ZSCAN1: variants seen among roughly 807,000 people sequenced by gnomAD.
The protein encoded by ZSCAN1 is zinc finger and SCAN domain containing 1, also known as zinc finger and SCAN domain-containing protein 1.
ZSCAN1 carries 23 observed loss-of-function variants against 23.8 expected under a neutral mutation model. That is an observed-to-expected ratio of 0.97 (90% confidence interval 0.70 to 1.37). The LOEUF (loss-of-function observed/expected upper bound fraction) is 1.37, where lower values mean the gene tolerates loss of function less well. Ranked by LOEUF, ZSCAN1 falls within the 40% of genes most tolerant of loss-of-function variation. ZSCAN1 has a pLI of 0.00. For missense variants in ZSCAN1, 575 were observed against 554.0 expected (o/e 1.04, Z -0.38); for synonymous variants, 236 against 232.3 (o/e 1.02, Z -0.15).
At chr19:58,044,542 G>A in intron 4 of ZSCAN1, 1 of 513,954 alleles carries the variant, frequency 1.9e-6, no homozygotes, top group Admixed American at 4.0e-5. Flanking sequence ...CGGAGAAGGA[G>A]GAGGAGCCAG....
chr19:58,052,582 G>A lies in ZSCAN1; in HGVS notation c.558G>A (p.Leu186=), dbSNP rs761621615. ...WLETTQLQQS[L]HTRAEAEAPR... ...AGACTACCCAGCTCCAGCAGAGTCTGCACACCAGGGCGGAGGCCGAAGCGC... is the reference window on the plus strand; with the variant it reads ...AGACTACCCAGCTCCAGCAGAGTCTACACACCAGGGCGGAGGCCGAAGCGC... Residue 186 remains leucine, a synonymous_variant, in exon 5 of 6, where the codon CTG becomes CTA. Transcript: ENST00000282326. 3 of 1,613,536 alleles carry A rather than the reference G, an allele frequency of 1.9e-6. No homozygotes were observed. Among genetic ancestry groups the A allele is most frequent in the Non-Finnish European group, 2.5e-6 (3 of 1,179,784 alleles).
At chr19:58,044,648 C>T in intron 4 of ZSCAN1, 1 of 974,276 alleles carries the variant, frequency 1.0e-6, no homozygotes, top group Non-Finnish European at 1.6e-6. Flanking sequence ...CCCGCCGCCG[C>T]CTCGGGTCAC....
At chr19:58,051,614 C>T (rs938167884) in intron 4 of ZSCAN1, among the ~76,000 whole-genome samples, 4 of 152,200 alleles carry the variant, frequency 2.6e-5, no homozygotes, top group African/African-American at 9.6e-5. Flanking sequence ...CCACTCAAGA[C>T]AGACCTTGTC....
Position 58,045,036 on chromosome 19 carries a change from G to T in ZSCAN1, c.465+4492G>T, listed in dbSNP as rs553513137. On this transcript the variant is annotated intron_variant, in intron 4 of 5. Coordinates refer to ENST00000282326, the MANE Select transcript of ZSCAN1 (RefSeq NM_182572.4). The surrounding 1 kb of genome is among the most constrained non-coding windows in gnomAD (Gnocchi z 4.3). Reference sequence around the variant, plus strand: ...GCGCCCCCGCAGAGATGGTGGTGAAGTCCCGGGGGCAGAGAGGGTGCTGGG... The same window carrying T: ...GCGCCCCCGCAGAGATGGTGGTGAATTCCCGGGGGCAGAGAGGGTGCTGGG... 12 of 1,114,974 alleles carry T rather than the reference G, an allele frequency of 1.1e-5. No individual in the cohort carries two copies. The East Asian group carries it at 2.9e-4, about 27-fold the overall frequency. 69.1% of individuals were successfully genotyped at this position (1,114,974 alleles called of 1,614,324 possible). A position where few individuals can be genotyped will look rare whatever the true frequency, so the allele number is the denominator to read the frequency against.
In ZSCAN1 at chr19:58,049,978, TC is replaced by T. The variant is rs1197821496; in HGVS notation, c.466-2511del. Among the ~76,000 whole-genome samples, 1 of 152,190 alleles carries T rather than the reference TC, an allele frequency of 6.6e-6. No individual in the cohort carries two copies. Among genetic ancestry groups the T allele is most frequent in the African/African-American group, 2.4e-5 (1 of 41,458 alleles). On this transcript the variant is annotated intron_variant, in intron 4 of 5. Transcript: ENST00000282326. The surrounding 1 kb of genome is among the most constrained non-coding windows in gnomAD (Gnocchi z 4.5). ...TGGGTCCTTGAGCGTTCTGGGCTATTCTGGCTTGTGAATATCTGTCTGTAGT... is the reference window on the plus strand; with the variant it reads ...TGGGTCCTTGAGCGTTCTGGGCTATTTGGCTTGTGAATATCTGTCTGTAGT...
rs2073818826 is a variant in ZSCAN1 at position 58,045,447 on chromosome 19, T to C, written c.465+4903T>C. ...CAGTGCCACCAAAGACTTCTCTGTGTTTTTCCAGAAGATCCGGGAGACGGG... is the reference window on the plus strand; with the variant it reads ...CAGTGCCACCAAAGACTTCTCTGTGCTTTTCCAGAAGATCCGGGAGACGGG... On this transcript the variant is annotated intron_variant, in intron 4 of 5. Transcript: ENST00000282326. This position sits in a 1 kb window ranked among gnomAD's most constrained non-coding sequence, Gnocchi z 4.3. 2.6e-6 allele frequency: 3 copies of C among 1,170,546 alleles called. No individual in the cohort carries two copies. In the Admixed American group the frequency reaches 5.0e-5, roughly 20 times the overall value. 72.5% of individuals were successfully genotyped at this position (1,170,546 alleles called of 1,614,324 possible).
rs2073782266 is a variant in ZSCAN1 at position 58,040,683 on chromosome 19, C to G, written c.465+139C>G. 3 of 755,584 alleles carry G rather than the reference C, an allele frequency of 4.0e-6. No homozygotes were observed. Among genetic ancestry groups the G allele is most frequent in the Non-Finnish European group, 2.2e-6 (1 of 462,468 alleles). The allele number at this position is 755,584 out of a possible 1,614,324, so 46.8% of individuals were successfully genotyped here. A position where few individuals can be genotyped will look rare whatever the true frequency, so the allele number is the denominator to read the frequency against. ...CCCAGGAAGCCCGGCCTCCAAACTC[C>G]CCGCCTGCCCCACAGATTCCCCAAG... On this transcript the variant is annotated intron_variant, in intron 4 of 5. Transcript: ENST00000282326. The surrounding 1 kb of genome is among the most constrained non-coding windows in gnomAD (Gnocchi z 5.8).
In ZSCAN1 at chr19:58,040,246, G is replaced by A. The variant is rs1568602365; in HGVS notation, c.371-204G>A. Among the ~76,000 whole-genome samples, 1 of 152,144 alleles carries A rather than the reference G, an allele frequency of 6.6e-6. No individual in the cohort carries two copies. The highest frequency in any genetic ancestry group is 1.5e-5 in the Non-Finnish European group (1 of 68,028). On this transcript the variant is annotated intron_variant, in intron 3 of 5. Transcript: ENST00000282326. The surrounding 1 kb of genome is among the most constrained non-coding windows in gnomAD (Gnocchi z 5.8). ...TGGAGTATGAGTGAAGAGGGTACTTGTCTTCAGCGGCCCTCGGTGTCACCA... is the reference window on the plus strand; with the variant it reads ...TGGAGTATGAGTGAAGAGGGTACTTATCTTCAGCGGCCCTCGGTGTCACCA...
intron 4 of ZSCAN1, chr19:58,044,977 A>G (rs946324248): frequency 1.1e-5 from 12 of 1,129,008 alleles, no homozygotes; most frequent in African/African-American, 1.5e-5. Context: ...GAAGGACAAG[A>G]ACAAGAAGCT....
chr19:58,041,535 CAT>C (rs2073789673), intron 4 of ZSCAN1, among the ~76,000 whole-genome samples: 1 of 152,232 alleles, frequency 6.6e-6, no homozygotes, highest in Admixed American at 6.5e-5. Flanking sequence ...AAAGACTGCA[CAT>C]GTGTGTCTCC....
Position 58,047,637 on chromosome 19 carries a change from T to A in ZSCAN1, c.466-4853T>A, listed in dbSNP as rs1364383830. Among the ~76,000 whole-genome samples, 1 of 151,914 alleles carries A rather than the reference T, an allele frequency of 6.6e-6. No individual in the cohort carries two copies. Among genetic ancestry groups the A allele is most frequent in the Non-Finnish European group, 1.5e-5 (1 of 67,968 alleles). On this transcript the variant is annotated intron_variant, in intron 4 of 5. Coordinates refer to ENST00000282326, the MANE Select transcript of ZSCAN1 (RefSeq NM_182572.4). This position sits in a 1 kb window ranked among gnomAD's most constrained non-coding sequence, Gnocchi z 4.9. ...GTGGGGCTCTGAAGCACATTTGGGG[T>A]TCTTTGTAGCTTCTAATGTGAGGTT...
chr19:58,044,909 G>C lies in ZSCAN1; in HGVS notation c.465+4365G>C, dbSNP rs2073814836. On this transcript the variant is annotated intron_variant, in intron 4 of 5. Transcript: ENST00000282326. ...CCTCGGTGCCTTCCTGCCCGCGGCTGGCACTCTTCGCGCCCTGTTGGTGAT... is the reference window on the plus strand; with the variant it reads ...CCTCGGTGCCTTCCTGCCCGCGGCTCGCACTCTTCGCGCCCTGTTGGTGAT... The C allele has an allele frequency of 1.3e-5, 11 of 838,824 alleles. 1 individual carries two copies. The highest frequency in any genetic ancestry group is 1.2e-4 in the South Asian group (9 of 72,780). 52.0% of individuals were successfully genotyped at this position (838,824 alleles called of 1,614,324 possible).
chr19:58,045,763 C>T lies in ZSCAN1; in HGVS notation c.465+5219C>T. The stretch of plus-strand genomic sequence containing the variant: ...AAACCACCTGAGGGGCCAGCTGAAG[C>T]AGTGGCTGGACCTGCACCTGCATCA... On this transcript the variant is annotated intron_variant, in intron 4 of 5. Coordinates refer to ENST00000282326, the MANE Select transcript of ZSCAN1 (RefSeq NM_182572.4). This position sits in a 1 kb window ranked among gnomAD's most constrained non-coding sequence, Gnocchi z 4.3. 1.3e-6 allele frequency: 2 copies of T among 1,517,574 alleles called. No homozygotes were observed. Among genetic ancestry groups the T allele is most frequent in the Non-Finnish European group, 1.8e-6 (2 of 1,092,794 alleles). The allele number at this position is 1,517,574 out of a possible 1,614,324, so 94.0% of individuals were successfully genotyped here. A position where few individuals can be genotyped will look rare whatever the true frequency, so the allele number is the denominator to read the frequency against.
At chr19:58,041,061 A>C (rs1310282497) in intron 4 of ZSCAN1, among the ~76,000 whole-genome samples, 1 of 152,242 alleles carries the variant, frequency 6.6e-6, no homozygotes, top group Non-Finnish European at 1.5e-5. Flanking sequence ...GGGGACACGC[A>C]GACACATGAG....
chr19:58,045,860 A>T lies in ZSCAN1; in HGVS notation c.465+5316A>T, dbSNP rs2073821979. On this transcript the variant is annotated intron_variant, in intron 4 of 5. Coordinates refer to ENST00000282326, the MANE Select transcript of ZSCAN1 (RefSeq NM_182572.4). The surrounding 1 kb of genome is among the most constrained non-coding windows in gnomAD (Gnocchi z 4.3). Reference sequence around the variant, plus strand: ...CCGGACACCCTCTTGCCAGCCGACCAGCTCAAGTCCACACTGCAGACTCTC... The same window carrying T: ...CCGGACACCCTCTTGCCAGCCGACCTGCTCAAGTCCACACTGCAGACTCTC... The T allele has an allele frequency of 9.2e-7, 1 of 1,089,742 alleles. No homozygotes were observed. The highest frequency in any genetic ancestry group is 1.5e-5 in the African/African-American group (1 of 64,864). The allele number at this position is 1,089,742 out of a possible 1,614,324, so 67.5% of individuals were successfully genotyped here.
intron 1 of ZSCAN1, among the ~76,000 whole-genome samples, chr19:58,035,100 T>A (rs2073725348): frequency 6.6e-6 from 1 of 151,854 alleles, no homozygotes; most frequent in South Asian, 2.1e-4. Flanking sequence ...AGTGACACTC[T>A]CTCACACACA....
In ZSCAN1 at chr19:58,040,194, G is replaced by A. The variant is rs763760569; in HGVS notation, c.371-256G>A. On this transcript the variant is annotated intron_variant, in intron 3 of 5. Transcript: ENST00000282326. This position sits in a 1 kb window ranked among gnomAD's most constrained non-coding sequence, Gnocchi z 5.8. ...AGTCAGTGCTGCAGTGTGTGTCCTC[G>A]TGGGCTTCTGGAGGCGCACAGGGGT... 9.2e-5 allele frequency among the ~76,000 whole-genome samples: 14 copies of A among 152,186 alleles called. No homozygotes were observed. Among genetic ancestry groups the A allele is most frequent in the Non-Finnish European group, 1.9e-4 (13 of 68,008 alleles).
chr19:58,044,902 C>A, intron 4 of ZSCAN1: 3 of 823,964 alleles, frequency 3.6e-6, no homozygotes, highest in Non-Finnish European at 2.1e-6. Context: ...CCTTCCTGCC[C>A]GCGGCTGGCA....
intron 1 of ZSCAN1, 120 bp downstream of exon 1, chr19:58,034,281 C>T (rs1278773106): frequency 6.7e-6 from 1 of 150,352 alleles, no homozygotes; most frequent in Non-Finnish European, 1.5e-5. Context: ...TCCAGGGGCG[C>T]GCGTCGGGGG....
Sources: gnomAD v4.1 joint callset for allele counts (sites outside exome capture counted in the v4.1 genomes callset) on GRCh38, gnomAD v4.1.1 for gene constraint, Gnocchi (gnomAD v3.1) non-coding constraint, MANE v1.5 for transcripts, NCBI Gene and HGNC (gene_info 2026-07-23, HGNC 2026-07-21) for gene names.